Variants in PCDHGA7 observed in about 807,000 individuals in gnomAD.
PCDHGA7 encodes protocadherin gamma-A7.
PCDHGA7 carries 44 observed loss-of-function variants against 58.3 expected under a neutral mutation model. The observed-to-expected ratio is 0.75, with a 90% CI of 0.59 to 0.97. The LOEUF is 0.97. PCDHGA7 is among the 50% of genes least tolerant of loss of function. The pLI is 0.00. For missense variants in PCDHGA7, 1,266 were observed against 1,188.7 expected (o/e 1.06, Z -0.96); for synonymous variants, 516 against 504.2 (o/e 1.02, Z -0.31).
Position 141,485,465 on chromosome 5 carries a change from C to A in PCDHGA7, c.2425-9342C>A, listed in dbSNP as rs2099614061. 6.2e-7 allele frequency: 1 copy of A among 1,614,044 alleles called. No homozygotes were observed. Among genetic ancestry groups the A allele is most frequent in the African/African-American group, 1.3e-5 (1 of 74,918 alleles). ...AATCGACCGAGAGGCACTGTGTGGG[C>A]TCAGTGCCAGCTGCATCGTGCCCCT... On this transcript the variant is annotated intron_variant, in intron 1 of 3. Transcript: ENST00000518325. This position sits in a 1 kb window ranked among gnomAD's most constrained non-coding sequence, Gnocchi z 5.7.
chr5:141,423,184 C>A (rs747938944), intron 1 of PCDHGA7: 1 of 1,613,442 alleles, frequency 6.2e-7, no homozygotes, highest in South Asian at 1.1e-5. Flanking sequence ...CCACGGCCAG[C>A]CCCCTCTCTC....
chr5:141,413,461 C>T, intron 1 of PCDHGA7: 2 of 1,614,082 alleles, frequency 1.2e-6, no homozygotes, highest in Non-Finnish European at 1.7e-6. Context: ...CAGGATAGAC[C>T]GGGAGGAGCT....
chr5:141,489,641 C>T lies in PCDHGA7; in HGVS notation c.2425-5166C>T, dbSNP rs1356716387. On this transcript the variant is annotated intron_variant, in intron 1 of 3. Coordinates refer to ENST00000518325, the MANE Select transcript of PCDHGA7 (RefSeq NM_018920.4). This position sits in a 1 kb window ranked among gnomAD's most constrained non-coding sequence, Gnocchi z 4.5. The stretch of plus-strand genomic sequence containing the variant: ...CTCAATGACAACTCTCCTAGCTTTG[C>T]CACCCCTGAGCGAGAGATGCGCATC... The T allele has an allele frequency of 2.5e-6, 4 of 1,614,008 alleles. No individual in the cohort carries two copies. The highest frequency in any genetic ancestry group is 3.4e-6 in the Non-Finnish European group (4 of 1,180,012).
chr5:141,511,361 G>C lies in PCDHGA7; in HGVS notation c.*188G>C, dbSNP rs2099883750. 7.4e-7 allele frequency: 1 copy of C among 1,345,388 alleles called. No individual in the cohort carries two copies. Among genetic ancestry groups the C allele is most frequent in the Non-Finnish European group, 9.9e-7 (1 of 1,006,550 alleles). The allele number at this position is 1,345,388 out of a possible 1,614,324, so 83.3% of individuals were successfully genotyped here. On this transcript the variant is annotated 3_prime_UTR_variant, in exon 4 of 4. Transcript: ENST00000518325. ...CCTACCCCTTCCCCCCCAGGGGGTTGAATATGCAAAAGCAGTTCCGCTGGG... is the reference window on the plus strand; with the variant it reads ...CCTACCCCTTCCCCCCCAGGGGGTTCAATATGCAAAAGCAGTTCCGCTGGG...
At chr5:141,506,787 G>A (rs55775963) in intron 3 of PCDHGA7, among the ~76,000 whole-genome samples, 1,925 of 152,270 alleles carry the variant, frequency 0.013, 43 homozygotes, top group African/African-American at 0.044. Flanking sequence ...CTTATAAGGA[G>A]GCTGGCAGAG....
Position 141,489,322 on chromosome 5 carries a change from T to G in PCDHGA7, c.2425-5485T>G. 1.9e-6 allele frequency: 3 copies of G among 1,601,052 alleles called. No homozygotes were observed. The highest frequency in any genetic ancestry group is 2.2e-5 in the East Asian group (1 of 44,726). On this transcript the variant is annotated intron_variant, in intron 1 of 3. Transcript: ENST00000518325. This position sits in a 1 kb window ranked among gnomAD's most constrained non-coding sequence, Gnocchi z 4.5. The stretch of plus-strand genomic sequence containing the variant: ...GTCCTTGTGCTGCTGGGGCTGGGTG[T>G]CTGGGCAGCTTCGTTACTCAGTGGT...
chr5:141,459,545 T>G (rs534173050), intron 1 of PCDHGA7, among the ~76,000 whole-genome samples: 81 of 152,348 alleles, frequency 5.3e-4, no homozygotes, highest in South Asian at 1.0e-3. Context: ...TTTTTTTATT[T>G]CTCTTGGATA....
At chr5:141,428,532 C>T (rs1561836699) in intron 1 of PCDHGA7, 7 of 277,518 alleles carry the variant, frequency 2.5e-5, no homozygotes, top group Non-Finnish European at 5.0e-5. Context: ...TTAATTTTCT[C>T]ACCATGACAC....
intron 1 of PCDHGA7, chr5:141,417,227 T>G (rs2096097098): frequency 6.6e-6 from 1 of 152,172 alleles, no homozygotes; most frequent in South Asian, 2.1e-4. Flanking sequence ...ACAAAAAAAT[T>G]TGTTGCTTAT....
intron 1 of PCDHGA7, chr5:141,417,913 T>A (rs749352432): frequency 1.2e-6 from 2 of 1,601,944 alleles, no homozygotes; most frequent in African/African-American, 1.3e-5. Flanking sequence ...AGGTACTATT[T>A]CCTTTGCTGC....
At chr5:141,423,251 ACCTCGGCAG>A (rs770264100) in intron 1 of PCDHGA7, 3 of 1,613,726 alleles carry the variant, frequency 1.9e-6, no homozygotes, top group African/African-American at 2.7e-5. Flanking sequence ...GTCCTGGCGG[ACCTCGGCAG>A]CCTCGAGTCT....
intron 1 of PCDHGA7, chr5:141,418,530 G>A (rs370822103): frequency 5.0e-6 from 8 of 1,613,834 alleles, no homozygotes; most frequent in Non-Finnish European, 6.8e-6. Context: ...CCCCGAAGCG[G>A]TACTGCTCAG....
intron 1 of PCDHGA7, chr5:141,409,850 G>T (rs1301108879): frequency 6.2e-7 from 1 of 1,612,142 alleles, no homozygotes; most frequent in South Asian, 1.1e-5. Context: ...GAGCCTGCGC[G>T]TGTTGGTGGG....
intron 1 of PCDHGA7, among the ~76,000 whole-genome samples, chr5:141,437,922 G>A (rs1039507511): frequency 1.3e-5 from 2 of 152,106 alleles, no homozygotes; most frequent in Admixed American, 6.5e-5. Context: ...ATTTTTAGTA[G>A]AGATGGGGTT....
intron 1 of PCDHGA7, among the ~76,000 whole-genome samples, chr5:141,438,223 CA>C: frequency 6.6e-6 from 1 of 151,912 alleles, no homozygotes; most frequent in Non-Finnish European, 1.5e-5. Context: ...GGCTCTGGTT[CA>C]GGAAAATGTT....
At chr5:141,455,506 G>T (rs1307993951) in intron 1 of PCDHGA7, among the ~76,000 whole-genome samples, 1 of 152,152 alleles carries the variant, frequency 6.6e-6, no homozygotes, top group African/African-American at 2.4e-5. Flanking sequence ...ATTTGCATAG[G>T]GCTCAGGGGA....
chr5:141,396,025 T>G (rs1486088514), intron 1 of PCDHGA7: 4 of 152,248 alleles, frequency 2.6e-5, no homozygotes, highest in African/African-American at 2.4e-5. Context: ...TTGTAAAATA[T>G]GTAAGAACAT....
At chr5:141,457,631 G>C (rs540600166) in intron 1 of PCDHGA7, among the ~76,000 whole-genome samples, 1 of 152,282 alleles carries the variant, frequency 6.6e-6, no homozygotes, top group African/African-American at 2.4e-5. Flanking sequence ...TCTTATACTT[G>C]GCCTGATTAT....
chr5:141,457,159 T>C (rs908257499), intron 1 of PCDHGA7, among the ~76,000 whole-genome samples: 5 of 152,212 alleles, frequency 3.3e-5, no homozygotes, highest in Non-Finnish European at 7.3e-5. Flanking sequence ...GGTGCTACCA[T>C]GGATAACCCT....
Sources: allele counts gnomAD v4.1 joint callset (sites outside exome capture counted in the v4.1 genomes callset), GRCh38; gene constraint gnomAD v4.1.1; non-coding constraint Gnocchi (gnomAD v3.1); transcripts MANE v1.5; gene names NCBI Gene and HGNC (gene_info 2026-07-23, HGNC 2026-07-21).